The following SYMPK variants were observed in gnomAD, a reference collection of about 807,000 sequenced individuals.
SYMPK encodes symplekin scaffold protein, also known as symplekin.
Under a neutral mutation model 136.4 loss-of-function variants are expected in SYMPK, and 49 were observed. The observed-to-expected ratio is 0.36, with a 90% confidence interval of 0.29 to 0.46. The LOEUF (loss-of-function observed/expected upper bound fraction) is 0.46. Among genes scored for constraint, SYMPK ranks in the 20% least tolerant of loss-of-function variants. The pLI, the probability that SYMPK is intolerant of heterozygous loss-of-function variation, is 1.00. For missense variants in SYMPK, 1,365 were observed against 1,690.0 expected, an observed-to-expected ratio of 0.81 and a Z score of 3.37; for synonymous variants, 766 against 713.0, an observed-to-expected ratio of 1.07 and a Z score of -1.19.
chr19:45,854,552 G>C, intron 1 of SYMPK, 45 bp from the exon 2 acceptor site: 1 of 1,533,530 alleles, frequency 6.5e-7, no homozygotes, highest in Non-Finnish European at 9.0e-7. Flanking sequence ...CAGGGAACCA[G>C]CGGATGGGCT....
intron 10 of SYMPK, 103 bp downstream of exon 10, chr19:45,838,358 G>A: frequency 7.4e-7 from 1 of 1,349,746 alleles, no homozygotes; most frequent in Non-Finnish European, 1.0e-6. Flanking sequence ...TTAATTAGGA[G>A]GGTACTCTGG....
chr19:45,816,208 A>C (rs1354807159), intron 25 of SYMPK, 25 bp from the exon 26 acceptor site: 6 of 1,466,062 alleles, frequency 4.1e-6, no homozygotes, highest in Middle Eastern at 2.5e-4. Context: ...GGCCACACAG[A>C]AGCTCAGAGG....
chr19:45,815,916 C>T lies in SYMPK; in HGVS notation c.3622G>A (p.Asp1208Asn). Residue 1208 changes from aspartate (D) to asparagine (N), a missense_variant, in exon 26 of 27, where the codon GAT becomes AAT. Transcript: ENST00000245934. Reference sequence around the variant, plus strand: ...GCCTCGGTCAGCCCCGAGTCGTCATCCATGCTGATGAAGATGCCCGGGGTC... The same window carrying T: ...GCCTCGGTCAGCCCCGAGTCGTCATTCATGCTGATGAAGATGCCCGGGGTC... Reference protein sequence around the residue: ...CETPGIFISMDDDSGLTEAAL... With the variant: ...CETPGIFISMNDDSGLTEAAL... 1.9e-6 allele frequency: 3 copies of T among 1,612,348 alleles called. No individual in the cohort carries two copies. The highest frequency in any genetic ancestry group is 2.5e-6 in the Non-Finnish European group (3 of 1,179,880).
Position 45,831,368 on chromosome 19 carries a change from C to T in SYMPK, c.1598+16G>A. On this transcript the variant is annotated intron_variant, in intron 12 of 26. Coordinates refer to ENST00000245934, the MANE Select transcript of SYMPK (RefSeq NM_004819.3). ...TAGGGCTCCTGTCCTGCCCTAGCAC[C>T]CAGAAGAGGACTCACCGGGGCTGAG... is the stretch of plus-strand genomic sequence containing the variant. The T allele has an allele frequency of 2.0e-6, 3 of 1,523,410 alleles. No individual in the cohort carries two copies. The highest frequency in any genetic ancestry group is 1.8e-6 in the Non-Finnish European group (2 of 1,132,640). The allele number at this position is 1,523,410 out of a possible 1,614,324, so 94.4% of individuals were successfully genotyped here.
At chr19:45,861,780 C>T (rs921462058) in intron 1 of SYMPK, 2 of 150,836 alleles carry the variant, frequency 1.3e-5, no homozygotes, top group African/African-American at 4.9e-5. Context: ...TTTGGTGGCT[C>T]AGGCCTGTAA....
At position 45,850,856 on chromosome 19, in the gene SYMPK, A is replaced by G. The variant is rs1371681604; in HGVS notation, c.299+1456T>C. Among the ~76,000 whole-genome samples the G allele has an allele frequency of 3.3e-5, 5 of 152,192 alleles. No individual in the cohort carries two copies. The East Asian group carries it at 9.7e-4, about 29-fold the overall frequency. ...GTGAGGAACACTGTAAAGAACAGTG[A>G]AGGTGGGGTGCCTGAGACATGGGGC... On this transcript the variant is annotated intron_variant, in intron 5 of 26. Coordinates refer to ENST00000245934, the MANE Select transcript of SYMPK (RefSeq NM_004819.3).
At chr19:45,846,800 C>CTT (rs35159561) in intron 7 of SYMPK, among the ~76,000 whole-genome samples, 38 of 144,408 alleles carry the variant, frequency 2.6e-4, no homozygotes, top group East Asian at 4.0e-4. Context: ...ATATATAGTA[C>CTT]TTTTTTTTTT....
chr19:45,825,907 C>A (rs1971033475), intron 17 of SYMPK, among the ~76,000 whole-genome samples: 1 of 152,204 alleles, frequency 6.6e-6, no homozygotes, highest in Non-Finnish European at 1.5e-5. Context: ...ATTTAATGGT[C>A]CATTTACTCG....
chr19:45,846,954 C>T (rs893618350), intron 7 of SYMPK, among the ~76,000 whole-genome samples: 4 of 151,836 alleles, frequency 2.6e-5, no homozygotes, highest in South Asian at 4.2e-4. Flanking sequence ...CCACCATGCC[C>T]GGCTAATTTT....
chr19:45,862,799 G>C (rs991347958), intron 1 of SYMPK, among the ~76,000 whole-genome samples: 9 of 152,224 alleles, frequency 5.9e-5, no homozygotes, highest in Non-Finnish European at 1.2e-4. Flanking sequence ...CAGGGCGGCT[G>C]TTAGAGGTGG....
intron 10 of SYMPK, 69 bp from the exon 11 acceptor site, chr19:45,835,297 G>A: frequency 1.4e-6 from 2 of 1,461,820 alleles, no homozygotes; most frequent in Non-Finnish European, 1.8e-6. Flanking sequence ...CCATGCCCAT[G>A]CCAATACTGG....
chr19:45,824,265 G>GCTC (rs910351375), intron 18 of SYMPK: 17 of 212,928 alleles, frequency 8.0e-5, no homozygotes, highest in Non-Finnish European at 1.3e-4. Flanking sequence ...CCCAGACCAG[G>GCTC]CTCCACCTGC....
rs1365615138 is a variant in SYMPK, at chr19:45,821,216, G to A, written c.2893+168C>T. ...AGGGAGGGAGGGAGGGAGGGAAGAG[G>A]AGGCAAGAAAAGGAGGGAGGGAGGG... On this transcript the variant is annotated intron_variant, in intron 22 of 26. Coordinates refer to ENST00000245934, the MANE Select transcript of SYMPK (RefSeq NM_004819.3). This position sits in a 1 kb window ranked among gnomAD's most constrained non-coding sequence, Gnocchi z 4.4. 6 of 699,188 alleles carry A rather than the reference G, an allele frequency of 8.6e-6. No homozygotes were observed. Among genetic ancestry groups the A allele is most frequent in the Non-Finnish European group, 1.6e-5 (6 of 384,640 alleles). The allele number at this position is 699,188 out of a possible 1,614,324, so 43.3% of individuals were successfully genotyped here. A position where few individuals can be genotyped will look rare whatever the true frequency, so the allele number is the denominator to read the frequency against.
intron 22 of SYMPK, chr19:45,819,519 T>C (rs1970840002): frequency 6.6e-6 from 1 of 152,360 alleles, no homozygotes; most frequent in Non-Finnish European, 1.5e-5. Flanking sequence ...TGTCCCCTTT[T>C]TCGGGAAGTC....
chr19:45,820,684 G>A (rs4803859), intron 22 of SYMPK: 1 of 156,648 alleles, frequency 6.4e-6, no homozygotes, highest in East Asian at 1.9e-4. Context: ...CCTTAGACGC[G>A]GAACCGGCAG....
At chr19:45,829,326 G>T in intron 13 of SYMPK, 121 bp from the exon 14 acceptor site, 1 of 880,670 alleles carries the variant, frequency 1.1e-6, no homozygotes, top group Non-Finnish European at 1.8e-6. Context: ...GGAGTGAAGC[G>T]AGGAAGGCCA....
chr19:45,815,539 C>A lies in SYMPK; in HGVS notation c.*21G>T. On this transcript the variant is annotated 3_prime_UTR_variant, in exon 27 of 27. Coordinates refer to ENST00000245934, the MANE Select transcript of SYMPK (RefSeq NM_004819.3). ...CCCAGCCCCGAGTCCCTGTCCCACC[C>A]CCTTTCCCCCTCGAGCCCCGTCAGC... 1 of 1,523,152 alleles carries A rather than the reference C, an allele frequency of 6.6e-7. No homozygotes were observed. The highest frequency in any genetic ancestry group is 8.8e-7 in the Non-Finnish European group (1 of 1,137,280). 94.4% of individuals were successfully genotyped at this position (1,523,152 alleles called of 1,614,324 possible).
chr19:45,857,631 A>G (rs1382148427), intron 1 of SYMPK, among the ~76,000 whole-genome samples: 2 of 149,700 alleles, frequency 1.3e-5, no homozygotes, highest in Non-Finnish European at 3.0e-5. Context: ...AGCTGGGACT[A>G]CAGGCGCCTG....
intron 9 of SYMPK, among the ~76,000 whole-genome samples, chr19:45,840,407 T>C (rs1395553609): frequency 6.6e-6 from 1 of 150,450 alleles, no homozygotes; most frequent in Non-Finnish European, 1.5e-5. Context: ...CTCACGCCTG[T>C]AATCTCAACA....
Sources: allele counts gnomAD v4.1 joint callset (sites outside exome capture counted in the v4.1 genomes callset), GRCh38; gene constraint gnomAD v4.1.1; non-coding constraint Gnocchi (gnomAD v3.1); transcripts MANE v1.5; gene names NCBI Gene and HGNC (gene_info 2026-07-23, HGNC 2026-07-21).